Variants in LDLRAD4 observed in about 807,000 individuals in gnomAD.
The protein encoded by LDLRAD4 is low-density lipoprotein receptor class A domain-containing protein 4.
Under a neutral mutation model 17.0 loss-of-function variants are expected in LDLRAD4, and 5 were observed. The ratio of observed to expected loss-of-function variants is 0.29; its 90% CI spans 0.15 to 0.62. LDLRAD4 has a LOEUF of 0.62. Among genes scored for constraint, LDLRAD4 ranks in the 20% least tolerant of loss-of-function variants. The pLI is 0.84. For missense variants in LDLRAD4, 340 were observed against 424.7 expected (o/e 0.80, Z 1.75); for synonymous variants, 168 against 171.8 (o/e 0.98, Z 0.17).
At chr18:13,287,544 A>G (rs1193406825) in intron 1 of LDLRAD4, among the ~76,000 whole-genome samples, 2 of 152,158 alleles carry the variant, frequency 1.3e-5, no homozygotes, top group East Asian at 1.9e-4. Context: ...TCCTCTGGAT[A>G]AGTAATTGGC....
At chr18:13,373,257 C>T (rs1356846133) in intron 1 of LDLRAD4, among the ~76,000 whole-genome samples, 1 of 151,976 alleles carries the variant, frequency 6.6e-6, no homozygotes, top group African/African-American at 2.4e-5. Flanking sequence ...GCTTTATACG[C>T]TTTGAGAACC....
intron 1 of LDLRAD4, among the ~76,000 whole-genome samples, chr18:13,325,622 G>A (rs554773408): frequency 6.6e-6 from 1 of 152,204 alleles, no homozygotes; most frequent in Admixed American, 6.5e-5. Flanking sequence ...CGTGGGCAAC[G>A]CTGAAGGCCC....
At chr18:13,269,562 C>CT (rs113807644) in intron 1 of LDLRAD4, among the ~76,000 whole-genome samples, 393 of 145,838 alleles carry the variant, frequency 2.7e-3, no homozygotes, top group East Asian at 7.5e-3. Flanking sequence ...GGTAGATGAT[C>CT]TTTTTTTTTT....
At chr18:13,288,387 A>G (rs944036977) in intron 1 of LDLRAD4, among the ~76,000 whole-genome samples, 7 of 152,242 alleles carry the variant, frequency 4.6e-5, no homozygotes, top group African/African-American at 1.4e-4. Flanking sequence ...TTAGCTATCC[A>G]TATTAGAGTT....
At position 13,536,292 on chromosome 18, in the gene LDLRAD4, A is replaced by G. The variant is rs559369503; in HGVS notation, c.182-84825A>G. On this transcript the variant is annotated intron_variant, in intron 3 of 5. Transcript: ENST00000359446. The stretch of plus-strand genomic sequence containing the variant: ...ATTAACATGGTATATCTCTCCATAC[A>G]CTAAGGTCTTTGATTTTCCTTTTAT... 9.8e-5 allele frequency among the ~76,000 whole-genome samples: 15 copies of G among 152,320 alleles called. No individual in the cohort carries two copies. In the South Asian group the frequency reaches 2.5e-3, roughly 25 times the overall value.
chr18:13,360,224 A>T (rs928115793), intron 1 of LDLRAD4, among the ~76,000 whole-genome samples: 1 of 152,176 alleles, frequency 6.6e-6, no homozygotes, highest in African/African-American at 2.4e-5. Context: ...GGAGGGAAAA[A>T]ACATCACATC....
At chr18:13,286,535 C>G (rs147530041) in intron 1 of LDLRAD4, among the ~76,000 whole-genome samples, 5 of 152,210 alleles carry the variant, frequency 3.3e-5, no homozygotes, top group South Asian at 2.1e-4. Flanking sequence ...CCATGCCCAG[C>G]TAACTTTTAA....
intron 2 of LDLRAD4, among the ~76,000 whole-genome samples, chr18:13,419,174 AT>A (rs1243744439): frequency 6.6e-6 from 1 of 152,238 alleles, no homozygotes; most frequent in Non-Finnish European, 1.5e-5. Context: ...AATGGCATCT[AT>A]GCAGTTGGGG....
Position 13,342,477 on chromosome 18 carries a change from CTTTTTTTTTTTT to C in LDLRAD4, c.-382-44850_-382-44839del, listed in dbSNP as rs10706515. Among the ~76,000 whole-genome samples the C allele has an allele frequency of 3.4e-3, 133 of 38,720 alleles. 2 individuals are homozygous for C. In the East Asian group the frequency reaches 0.08, roughly 23 times the overall value. 25.4% of individuals were successfully genotyped at this position (38,720 alleles called of 152,430 possible). A position where few individuals can be genotyped will look rare whatever the true frequency, so the allele number is the denominator to read the frequency against. Reference sequence around the variant, plus strand: ...GTCTGTGGTTCCTGGGCCTTCCTGTCTTTTTTTTTTTTTTTTTTTTTTTTTGAGATGGACTTT... The same window carrying C: ...GTCTGTGGTTCCTGGGCCTTCCTGTCTTTTTTTTTTTTTGAGATGGACTTT... On this transcript the variant is annotated intron_variant, in intron 1 of 5. Coordinates refer to ENST00000359446, the Ensembl canonical transcript of LDLRAD4.
At chr18:13,512,702 C>T (rs1449331309) in intron 3 of LDLRAD4, among the ~76,000 whole-genome samples, 1 of 152,106 alleles carries the variant, frequency 6.6e-6, no homozygotes, top group African/African-American at 2.4e-5. Flanking sequence ...GGTATTCTGC[C>T]TCCTCCCTCC....
chr18:13,564,029 C>T (rs746557163), intron 3 of LDLRAD4, among the ~76,000 whole-genome samples: 2 of 152,126 alleles, frequency 1.3e-5, no homozygotes, highest in African/African-American at 2.4e-5. Context: ...ACCCAGCCTC[C>T]CAAAGAGCTG....
intron 4 of LDLRAD4, among the ~76,000 whole-genome samples, chr18:13,625,543 C>T (rs1021590646): frequency 6.6e-6 from 1 of 152,164 alleles, no homozygotes; most frequent in South Asian, 2.1e-4. Flanking sequence ...CTGCTTCTTG[C>T]GGAGAGTCCC....
At chr18:13,351,474 A>G (rs1568038466) in intron 1 of LDLRAD4, among the ~76,000 whole-genome samples, 3 of 152,068 alleles carry the variant, frequency 2.0e-5, no homozygotes, top group Non-Finnish European at 2.9e-5. Context: ...TTGCACATTG[A>G]TTTTGTATCC....
At chr18:13,567,452 C>A (rs1430285688) in intron 3 of LDLRAD4, among the ~76,000 whole-genome samples, 1 of 152,134 alleles carries the variant, frequency 6.6e-6, no homozygotes, top group African/African-American at 2.4e-5. Flanking sequence ...TGTCACCACC[C>A]CCCGCCGCTG....
Position 13,599,348 on chromosome 18 carries a change from A to G in LDLRAD4, c.182-21769A>G, listed in dbSNP as rs1452505955. Among the ~76,000 whole-genome samples the G allele has an allele frequency of 2.0e-5, 3 of 152,226 alleles. No homozygotes were observed. In the East Asian group the frequency reaches 5.8e-4, roughly 29 times the overall value. On this transcript the variant is annotated intron_variant, in intron 3 of 5. Coordinates refer to ENST00000359446, the Ensembl canonical transcript of LDLRAD4. ...TAGATTTTCTTGAAACAAGATATTT[A>G]TTAATCTGCTGAAATTCCCTTGGAC... is the stretch of plus-strand genomic sequence containing the variant.
At chr18:13,564,376 T>C (rs1568345236) in intron 3 of LDLRAD4, among the ~76,000 whole-genome samples, 1 of 142,920 alleles carries the variant, frequency 7.0e-6, no homozygotes, top group Admixed American at 7.3e-5. Flanking sequence ...CTCTGGCAAT[T>C]TTCCTTGCCA....
At chr18:13,432,699 ATCT>A (rs772830120) in intron 2 of LDLRAD4, among the ~76,000 whole-genome samples, 4 of 151,990 alleles carry the variant, frequency 2.6e-5, no homozygotes, top group Non-Finnish European at 5.9e-5. Context: ...ATTATTTTCC[ATCT>A]TCACTGAATT....
chr18:13,236,677 G>A (rs1316473538), intron 1 of LDLRAD4, among the ~76,000 whole-genome samples: 1 of 152,176 alleles, frequency 6.6e-6, no homozygotes, highest in Non-Finnish European at 1.5e-5. Flanking sequence ...GGCGTTGCCT[G>A]TGTGGGGCTC....
intron 3 of LDLRAD4, among the ~76,000 whole-genome samples, chr18:13,539,058 C>G (rs1398866820): frequency 1.3e-5 from 2 of 151,842 alleles, no homozygotes; most frequent in Non-Finnish European, 3.0e-5. Context: ...TTCCCCTCCC[C>G]TCGTTACAAA....
Sources: gnomAD v4.1 joint callset for allele counts (sites outside exome capture counted in the v4.1 genomes callset) on GRCh38, gnomAD v4.1.1 for gene constraint, MANE v1.5 for transcripts, NCBI Gene and HGNC (gene_info 2026-07-23, HGNC 2026-07-21) for gene names.